Variants in NSMCE2 observed in about 807,000 individuals in gnomAD.
NSMCE2 encodes the protein NSE2 SUMO ligase component of SMC5/6 complex, also known as E3 SUMO-protein ligase NSE2.
A neutral mutation model predicts 23.8 loss-of-function variants in NSMCE2; 24 were observed. That is an observed-to-expected ratio of 1.01 (90% CI 0.73 to 1.42). The LOEUF (loss-of-function observed/expected upper bound fraction) is 1.42. NSMCE2 is among the 40% of genes most tolerant of loss of function. The probability of loss-of-function intolerance (pLI) is 0.00; values close to 1 mark genes in which losing one functional copy is unlikely to be tolerated. For synonymous variants in NSMCE2, 92 were observed against 94.1 expected, an observed-to-expected ratio of 0.98 and a Z score of 0.13; for missense variants, 284 against 296.5, an observed-to-expected ratio of 0.96 and a Z score of 0.31.
chr8:125,135,713 G>T (rs553138782), intron 3 of NSMCE2, among the ~76,000 whole-genome samples: 1 of 151,846 alleles, frequency 6.6e-6, no homozygotes, highest in South Asian at 2.1e-4. Flanking sequence ...CTGTTTAGTT[G>T]TCCATGTAGG....
At chr8:125,096,684 C>T (rs1447559023) in intron 1 of NSMCE2, among the ~76,000 whole-genome samples, 1 of 126,238 alleles carries the variant, frequency 7.9e-6, no homozygotes, top group African/African-American at 2.9e-5. Context: ...GATCTCAGCT[C>T]ACTGCAACTG....
intron 5 of NSMCE2, among the ~76,000 whole-genome samples, chr8:125,323,694 A>G (rs1191710168): frequency 6.6e-6 from 1 of 152,246 alleles, no homozygotes; most frequent in Admixed American, 6.5e-5. Context: ...AGTGGATCAT[A>G]TATCTGAATA....
rs1439916879 is a variant in NSMCE2, at chr8:125,366,999, G to A, written c.*114G>A. Reference sequence around the variant, plus strand: ...CTGGCTGCATAGCATACTTGTTGGGGGTAAAACTTGTTGCTTTTATGTGTG... The same window carrying A: ...CTGGCTGCATAGCATACTTGTTGGGAGTAAAACTTGTTGCTTTTATGTGTG... On this transcript the variant is annotated 3_prime_UTR_variant, in exon 8 of 8. Transcript: ENST00000287437. 3.2e-6 allele frequency: 2 copies of A among 633,108 alleles called. No homozygotes were observed. The highest frequency in any genetic ancestry group is 2.9e-4 in the Middle Eastern group (1 of 3,450). The allele number at this position is 633,108 out of a possible 1,614,324, so 39.2% of individuals were successfully genotyped here.
At chr8:125,190,095 A>G (rs369094769) in intron 5 of NSMCE2, among the ~76,000 whole-genome samples, 37 of 152,144 alleles carry the variant, frequency 2.4e-4, no homozygotes, top group African/African-American at 8.0e-4. Flanking sequence ...TTCAGGCTGG[A>G]TTGCATCCTG....
At chr8:125,092,628 T>G (rs1239888730) in intron 1 of NSMCE2, among the ~76,000 whole-genome samples, 1 of 152,206 alleles carries the variant, frequency 6.6e-6, no homozygotes, top group Non-Finnish European at 1.5e-5. Flanking sequence ...GGATTATCCT[T>G]GCATGTTGAA....
intron 5 of NSMCE2, among the ~76,000 whole-genome samples, chr8:125,269,173 C>T (rs1827073805): frequency 6.6e-6 from 1 of 152,090 alleles, no homozygotes; most frequent in Non-Finnish European, 1.5e-5. Context: ...CTTCAACCTC[C>T]TCCTCCTGGG....
intron 4 of NSMCE2, among the ~76,000 whole-genome samples, chr8:125,154,715 A>G (rs1465699774): frequency 6.6e-6 from 1 of 152,178 alleles, no homozygotes; most frequent in African/African-American, 2.4e-5. Context: ...ATTTTCAGTC[A>G]TAAGACCAAC....
intron 5 of NSMCE2, among the ~76,000 whole-genome samples, chr8:125,196,345 C>G (rs997316373): frequency 6.6e-6 from 1 of 151,998 alleles, no homozygotes; most frequent in Admixed American, 6.6e-5. Flanking sequence ...AATGCTATCC[C>G]TCCCCCAGCA....
intron 5 of NSMCE2, among the ~76,000 whole-genome samples, chr8:125,193,639 G>A (rs1368619251): frequency 6.6e-6 from 1 of 152,122 alleles, no homozygotes; most frequent in Non-Finnish European, 1.5e-5. Context: ...AAGAACTATT[G>A]GTTAGGAGTG....
chr8:125,355,551 T>C (rs1813224523), intron 5 of NSMCE2, among the ~76,000 whole-genome samples: 1 of 151,788 alleles, frequency 6.6e-6, no homozygotes, highest in African/African-American at 2.4e-5. Flanking sequence ...AATACAAAAA[T>C]TAGCCAGGCA....
At chr8:125,286,912 GT>G (rs1001377393) in intron 5 of NSMCE2, among the ~76,000 whole-genome samples, 21 of 152,194 alleles carry the variant, frequency 1.4e-4, no homozygotes, top group South Asian at 2.1e-4. Flanking sequence ...ATTGGGGGCT[GT>G]GTTTGATTGT....
intron 5 of NSMCE2, among the ~76,000 whole-genome samples, chr8:125,250,308 A>C (rs1385553637): frequency 2.0e-5 from 3 of 150,450 alleles, no homozygotes; most frequent in African/African-American, 5.0e-5. Flanking sequence ...TGGAAACATA[A>C]AGATAGTTAT....
At chr8:125,250,961 A>G (rs1202667247) in intron 5 of NSMCE2, among the ~76,000 whole-genome samples, 1 of 152,244 alleles carries the variant, frequency 6.6e-6, no homozygotes, top group African/African-American at 2.4e-5. Context: ...GTAAAACAAC[A>G]TGCACAATAT....
chr8:125,151,195 T>G lies in NSMCE2; in HGVS notation c.182T>G (p.Met61Arg). 1 of 1,604,384 alleles carries G rather than the reference T, an allele frequency of 6.2e-7. No homozygotes were observed. The highest frequency in any genetic ancestry group is 8.5e-7 in the Non-Finnish European group (1 of 1,171,746). The change falls in exon 4 of 8, where the codon ATG becomes AGG. Residue 61 changes from methionine (M) to arginine (R), a missense_variant. Physicochemically the swap from Met to Arg is moderately conservative, Grantham distance 91 (BLOSUM62 -1). Around this residue, in one of 2 missense-constraint regions of NSMCE2, gnomAD observed 182 missense variants for 155.5 expected, o/e 1.17. Coordinates refer to ENST00000287437, the MANE Select transcript of NSMCE2 (RefSeq NM_173685.4). ...GCTGAAGTGAGTAGTGAATATAGTATGGACAAGGCAATGGTTGAATTTGCT... is the reference window on the plus strand; with the variant it reads ...GCTGAAGTGAGTAGTGAATATAGTAGGGACAAGGCAATGGTTGAATTTGCT... ...SQTEVSSEYS[M>R]DKAMVEFATL...
At chr8:125,169,431 T>C (rs1822058459) in intron 4 of NSMCE2, among the ~76,000 whole-genome samples, 1 of 152,196 alleles carries the variant, frequency 6.6e-6, no homozygotes, top group South Asian at 2.1e-4. Context: ...TTAAATTCAG[T>C]GTCCCACAGT....
At chr8:125,361,292 T>C (rs1563806180) in intron 7 of NSMCE2, among the ~76,000 whole-genome samples, 1 of 152,182 alleles carries the variant, frequency 6.6e-6, no homozygotes, top group Non-Finnish European at 1.5e-5. Flanking sequence ...GGTCTCGAAC[T>C]CCTGGCCTCA....
chr8:125,141,132 T>C (rs1235239739), intron 3 of NSMCE2, among the ~76,000 whole-genome samples: 1 of 152,220 alleles, frequency 6.6e-6, no homozygotes, highest in Non-Finnish European at 1.5e-5. Flanking sequence ...TCAAACAGTA[T>C]TTTGAATTAT....
chr8:125,227,430 C>G (rs1274908882), intron 5 of NSMCE2, among the ~76,000 whole-genome samples: 2 of 152,330 alleles, frequency 1.3e-5, no homozygotes, highest in Non-Finnish European at 2.9e-5. Context: ...CCCTCCAGAG[C>G]CACTGCTTTG....
chr8:125,217,359 A>ATTTATT lies in NSMCE2; in HGVS notation c.418+35106_418+35107insATTTTT, dbSNP rs1563725558. Reference sequence around the variant, plus strand: ...ATTTTATTTATTTATTTATTTATTTATTTTTTATTTATTTATTTTGAGATG... The same window carrying ATTTATT: ...ATTTTATTTATTTATTTATTTATTTATTTATTTTTTTTATTTATTTATTTTGAGATG... On this transcript the variant is annotated intron_variant, in intron 5 of 7. Coordinates refer to ENST00000287437, the MANE Select transcript of NSMCE2 (RefSeq NM_173685.4). Among the ~76,000 whole-genome samples, 4 of 150,426 alleles carry ATTTATT rather than the reference A, an allele frequency of 2.7e-5. No homozygotes were observed. The South Asian group carries it at 6.3e-4, about 24-fold the overall frequency.
Sources: gnomAD v4.1 joint callset for allele counts (sites outside exome capture counted in the v4.1 genomes callset) on GRCh38, gnomAD v4.1.1 for gene constraint, gnomAD v4.1.1 regional missense constraint, MANE v1.5 for transcripts, NCBI Gene and HGNC (gene_info 2026-07-23, HGNC 2026-07-21) for gene names.